The following PITPNM2 variants were observed in gnomAD, a reference collection of about 807,000 sequenced individuals.
PITPNM2 encodes the protein phosphatidylinositol transfer protein membrane associated 2, also known as membrane-associated phosphatidylinositol transfer protein 2.
PITPNM2 carries 35 observed loss-of-function variants against 132.2 expected under a neutral mutation model. The observed-to-expected ratio is 0.26, with a 90% CI of 0.20 to 0.35. PITPNM2 has a LOEUF of 0.35. Ranked by LOEUF, PITPNM2 falls within the 10% of genes least tolerant of loss-of-function variation. PITPNM2 has a pLI of 1.00. For missense variants in PITPNM2, 1,332 were observed against 1,912.0 expected, an observed-to-expected ratio of 0.70 and a Z score of 5.66; for synonymous variants, 738 against 799.2, an observed-to-expected ratio of 0.92 and a Z score of 1.29.
At chr12:123,066,434 A>G (rs2041416227) in intron 2 of PITPNM2, among the ~76,000 whole-genome samples, 1 of 152,142 alleles carries the variant, frequency 6.6e-6, no homozygotes, top group Non-Finnish European at 1.5e-5. Flanking sequence ...CAGGAGCAAG[A>G]GCAGGGGTCT....
rs1434899043 is a variant in PITPNM2, at chr12:123,023,369, G to C, written c.79-9327C>G. 6.6e-6 allele frequency among the ~76,000 whole-genome samples: 1 copy of C among 152,212 alleles called. No homozygotes were observed. Among genetic ancestry groups the C allele is most frequent in the African/African-American group, 2.4e-5 (1 of 41,460 alleles). ...CAGGGCTCTTCTGGGTGGAGCAGAAGGTGCACGTGACCAGAGCCATCTCTA... is the reference window on the plus strand; with the variant it reads ...CAGGGCTCTTCTGGGTGGAGCAGAACGTGCACGTGACCAGAGCCATCTCTA... On this transcript the variant is annotated intron_variant, in intron 3 of 25. Transcript: ENST00000320201. This position sits in a 1 kb window ranked among gnomAD's most constrained non-coding sequence, Gnocchi z 4.8.
At chr12:123,019,669 C>G (rs1330054347) in intron 3 of PITPNM2, among the ~76,000 whole-genome samples, 2 of 152,216 alleles carry the variant, frequency 1.3e-5, no homozygotes, top group Admixed American at 6.5e-5. Context: ...AAATCCCCCA[C>G]CCAGTGGAGG....
At chr12:123,080,172 C>T (rs2041915225) in intron 2 of PITPNM2, among the ~76,000 whole-genome samples, 1 of 152,164 alleles carries the variant, frequency 6.6e-6, no homozygotes, top group South Asian at 2.1e-4. Flanking sequence ...ATGCATTATC[C>T]ATCAGCCAAT....
chr12:123,126,115 T>C (rs930943144), intron 1 of PITPNM2, among the ~76,000 whole-genome samples: 5 of 151,850 alleles, frequency 3.3e-5, no homozygotes, highest in African/African-American at 9.7e-5. Context: ...GTGATCCGCC[T>C]GCCTCGGCCT....
At chr12:123,024,614 A>G (rs2039787747) in intron 3 of PITPNM2, among the ~76,000 whole-genome samples, 1 of 152,236 alleles carries the variant, frequency 6.6e-6, no homozygotes, top group African/African-American at 2.4e-5. Flanking sequence ...GCACTGGCAC[A>G]TGATACAAGA....
chr12:123,042,597 C>T (rs1176499081), intron 2 of PITPNM2, among the ~76,000 whole-genome samples: 1 of 152,104 alleles, frequency 6.6e-6, no homozygotes, highest in Non-Finnish European at 1.5e-5. Context: ...TAGTGGGAAG[C>T]GAGGGAGCCA....
intron 11 of PITPNM2, 71 bp from the exon 12 acceptor site, chr12:122,996,981 C>G: frequency 7.2e-7 from 1 of 1,382,252 alleles, no homozygotes; most frequent in Admixed American, 2.7e-5. Flanking sequence ...CTCCCCTGAC[C>G]TGAGTCTCAG....
At chr12:123,109,235 C>T (rs2137314152) in intron 2 of PITPNM2, among the ~76,000 whole-genome samples, 1 of 152,312 alleles carries the variant, frequency 6.6e-6, no homozygotes, top group Non-Finnish European at 1.5e-5. Context: ...GAGAAGGGTT[C>T]ATCAACATTT....
chr12:123,032,854 G>A (rs921190751), intron 3 of PITPNM2, among the ~76,000 whole-genome samples: 2 of 152,230 alleles, frequency 1.3e-5, no homozygotes, highest in Non-Finnish European at 2.9e-5. Flanking sequence ...TGGTCCTTCT[G>A]AAGCAGCTCA....
intron 1 of PITPNM2, among the ~76,000 whole-genome samples, chr12:123,145,447 G>A (rs952999056): frequency 1.3e-5 from 2 of 152,080 alleles, no homozygotes; most frequent in African/African-American, 4.8e-5. Flanking sequence ...CATGACTCCC[G>A]CTGACGTCCC....
chr12:123,016,467 C>G (rs1228483275), intron 3 of PITPNM2, among the ~76,000 whole-genome samples: 1 of 151,698 alleles, frequency 6.6e-6, no homozygotes. Flanking sequence ...AGGTGCCCAC[C>G]ACCACATCCA....
chr12:122,988,901 G>T (rs758286528), intron 18 of PITPNM2, 29 bp from the exon 19 acceptor site: 1 of 1,539,872 alleles, frequency 6.5e-7, no homozygotes, highest in South Asian at 1.2e-5. Flanking sequence ...ACTGGGCTGG[G>T]GCTGTATAGC....
chr12:123,105,815 C>T (rs1303185252), intron 2 of PITPNM2, among the ~76,000 whole-genome samples: 5 of 152,018 alleles, frequency 3.3e-5, no homozygotes, highest in African/African-American at 7.2e-5. Flanking sequence ...AAGGCAGAAA[C>T]GAGAGGAAGA....
intron 2 of PITPNM2, chr12:123,089,638 G>A (rs2042206930): frequency 6.6e-6 from 1 of 152,218 alleles, no homozygotes; most frequent in Admixed American, 6.5e-5. Flanking sequence ...GAATACCCAT[G>A]CTTCATCCCC....
chr12:123,035,666 CA>C (rs544250142), intron 2 of PITPNM2, among the ~76,000 whole-genome samples: 11 of 130,276 alleles, frequency 8.4e-5, no homozygotes, highest in Admixed American at 2.3e-4. Context: ...AACTCCGTCT[CA>C]AAAAAAAAAA....
At position 122,994,897 on chromosome 12, in the gene PITPNM2, C is replaced by T; in HGVS notation, c.2137G>A (p.Gly713Ser). 2 of 1,612,432 alleles carry T rather than the reference C, an allele frequency of 1.2e-6. No individual in the cohort carries two copies. The highest frequency in any genetic ancestry group is 1.7e-6 in the Non-Finnish European group (2 of 1,179,942). Residue 713 changes from glycine to serine, a missense_variant, in exon 15 of 26, where the codon GGC becomes AGC. Gly to Ser is a moderately conservative substitution (Grantham distance 56). Around this residue, in one of 6 missense-constraint regions of PITPNM2, gnomAD observed 710 missense variants for 911.5 expected, o/e 0.78. Coordinates refer to ENST00000320201, the MANE Select transcript of PITPNM2 (RefSeq NM_020845.3). The surrounding 1 kb of genome is among the most constrained non-coding windows in gnomAD (Gnocchi z 5.4). ...TCGGTGATCTCAAAGTCAAACCTGCCCAGGGCACCTGTGCCATCCAGCATG... is the reference window on the plus strand; with the variant it reads ...TCGGTGATCTCAAAGTCAAACCTGCTCAGGGCACCTGTGCCATCCAGCATG... ...STMLDGTGAL[G>S]RFDFEITDLF...
rs1329390441 is a variant in PITPNM2, at chr12:122,985,559, T to C, written c.*468A>G. On this transcript the variant is annotated 3_prime_UTR_variant, in exon 26 of 26. Transcript: ENST00000320201. Reference sequence around the variant, plus strand: ...ATGGGTCTCCGCTCTCAAAAATCAGTGCAAAACCAGTGAGGTTGAACAGTT... The same window carrying C: ...ATGGGTCTCCGCTCTCAAAAATCAGCGCAAAACCAGTGAGGTTGAACAGTT... The C allele has an allele frequency of 6.3e-6, 1 of 158,374 alleles. No individual in the cohort carries two copies. Among genetic ancestry groups the C allele is most frequent in the African/African-American group, 2.4e-5 (1 of 41,646 alleles). 9.8% of individuals were successfully genotyped at this position (158,374 alleles called of 1,614,324 possible).
intron 2 of PITPNM2, among the ~76,000 whole-genome samples, chr12:123,043,670 G>A (rs901712006): frequency 6.6e-6 from 1 of 152,230 alleles, no homozygotes; most frequent in Non-Finnish European, 1.5e-5. Context: ...CCAGGAGCAG[G>A]AGTGGGATGT....
intron 2 of PITPNM2, among the ~76,000 whole-genome samples, chr12:123,043,549 C>G (rs1257056500): frequency 2.6e-5 from 4 of 152,226 alleles, no homozygotes; most frequent in Non-Finnish European, 5.9e-5. Flanking sequence ...CCATTGTACA[C>G]CTGGAGTGCC....
Sources: gnomAD v4.1 joint callset for allele counts (sites outside exome capture counted in the v4.1 genomes callset) on GRCh38, gnomAD v4.1.1 for gene constraint, gnomAD v4.1.1 regional missense constraint, Gnocchi (gnomAD v3.1) non-coding constraint, MANE v1.5 for transcripts, NCBI Gene and HGNC (gene_info 2026-07-23, HGNC 2026-07-21) for gene names.